DDX6: variants seen among roughly 807,000 people sequenced by gnomAD.
DDX6 encodes the protein DEAD-box helicase 6.
A neutral mutation model predicts 60.6 loss-of-function variants in DDX6; 7 were observed. The observed-to-expected ratio is 0.12, with a 90% CI of 0.07 to 0.22. The LOEUF is 0.22. Ranked by LOEUF, DDX6 falls within the 10% of genes least tolerant of loss-of-function variation. DDX6 has a pLI of 1.00. For synonymous variants in DDX6, 207 were observed against 201.0 expected (o/e 1.03, Z -0.25); for missense variants, 270 against 589.9 (o/e 0.46, Z 5.62).
chr11:118,779,790 G>T, intron 3 of DDX6, 54 bp from the exon 4 acceptor site: 1 of 1,312,542 alleles, frequency 7.6e-7, no homozygotes. Context: ...TGGTAAATTT[G>T]GTGTCCTTTG....
chr11:118,765,330 T>C lies in DDX6; in HGVS notation c.525A>G (p.Glu175=). 1 of 1,613,914 alleles carries C rather than the reference T, an allele frequency of 6.2e-7. No homozygotes were observed. Among genetic ancestry groups the C allele is most frequent in the Non-Finnish European group, 8.5e-7 (1 of 1,179,886 alleles). Reference sequence around the variant, plus strand: ...AAATTTGACTGACCTGTAGAGCAAGTTCTCTAGTGGGAACAATCACCATTG... The same window carrying C: ...AAATTTGACTGACCTGTAGAGCAAGCTCTCTAGTGGGAACAATCACCATTG... The part of the protein sequence containing the change: ...IQAMVIVPTR[E]LALQVSQICI... Residue 175 remains glutamate, a synonymous_variant, in exon 6 of 14, where the codon GAA becomes GAG. Coordinates refer to ENST00000534980, the MANE Select transcript of DDX6 (RefSeq NM_004397.6).
intron 9 of DDX6, 66 bp from the exon 10 acceptor site, chr11:118,757,353 G>T (rs1444181920): frequency 1.6e-5 from 13 of 798,468 alleles, no homozygotes; most frequent in Admixed American, 1.4e-4. Context: ...GCCAAATCTT[G>T]AAAACACGAA....
intron 4 of DDX6, among the ~76,000 whole-genome samples, chr11:118,775,829 T>C (rs991410812): frequency 5.9e-5 from 9 of 152,158 alleles, no homozygotes; most frequent in Admixed American, 2.6e-4. Flanking sequence ...TCAGCAAATA[T>C]CCACTAAGAA....
intron 4 of DDX6, among the ~76,000 whole-genome samples, chr11:118,773,822 C>T (rs1402189006): frequency 6.6e-6 from 1 of 151,562 alleles, no homozygotes; most frequent in Non-Finnish European, 1.5e-5. Context: ...GACTCTGTCT[C>T]CCCGACCCCA....
At chr11:118,761,245 C>T (rs1180533150) in intron 7 of DDX6, among the ~76,000 whole-genome samples, 8 of 152,210 alleles carry the variant, frequency 5.3e-5, no homozygotes, top group Non-Finnish European at 1.0e-4. Context: ...ACTTCAGTTT[C>T]CACAACTCTA....
At chr11:118,779,982 G>A (rs1245905802) in intron 3 of DDX6, among the ~76,000 whole-genome samples, 1 of 151,740 alleles carries the variant, frequency 6.6e-6, no homozygotes, top group Admixed American at 6.6e-5. Flanking sequence ...CCAGGGTGGT[G>A]GTGCACGCCT....
intron 4 of DDX6, among the ~76,000 whole-genome samples, chr11:118,771,338 C>T (rs1010999497): frequency 5.9e-5 from 9 of 152,148 alleles, no homozygotes; most frequent in Non-Finnish European, 1.3e-4. Context: ...TGATTAAGGC[C>T]ATTGACTTCT....
At chr11:118,779,156 C>CAAA (rs5795140) in intron 4 of DDX6, among the ~76,000 whole-genome samples, 2,497 of 125,710 alleles carry the variant, frequency 0.02, 138 homozygotes, top group African/African-American at 0.052. Flanking sequence ...ACCCAGTTGC[C>CAAA]AAAAAAAAAA....
intron 3 of DDX6, among the ~76,000 whole-genome samples, chr11:118,780,031 G>A (rs781928319): frequency 2.2e-4 from 30 of 137,456 alleles, no homozygotes; most frequent in East Asian, 5.0e-4. Flanking sequence ...CAGGAGAATC[G>A]CTTGAACCCA....
intron 11 of DDX6, among the ~76,000 whole-genome samples, chr11:118,755,880 C>T (rs543525362): frequency 2.0e-5 from 3 of 152,106 alleles, no homozygotes; most frequent in Admixed American, 6.5e-5. Context: ...CCGGGCTAAG[C>T]GGTAGCAGGC....
rs1861163681 is a variant in DDX6 at position 118,761,497 on chromosome 11, T to C, written c.742-1453A>G. The stretch of plus-strand genomic sequence containing the variant: ...CCGGCATGGTGGCACATGCCTGTAA[T>C]CCCAGCTACTCGGGAGGGCTGAGGC... On this transcript the variant is annotated intron_variant, in intron 7 of 13. Coordinates refer to ENST00000534980, the MANE Select transcript of DDX6 (RefSeq NM_004397.6). Among the ~76,000 whole-genome samples the C allele has an allele frequency of 1.6e-4, 3 of 18,306 alleles. No individual in the cohort carries two copies. In the South Asian group the frequency reaches 7.4e-3, roughly 45 times the overall value. The allele number at this position is 18,306 out of a possible 152,430, so 12.0% of individuals were successfully genotyped here.
At chr11:118,756,038 G>C (rs1345970323) in intron 11 of DDX6, among the ~76,000 whole-genome samples, 2 of 91,484 alleles carry the variant, frequency 2.2e-5, no homozygotes, top group African/African-American at 8.7e-5. Flanking sequence ...CCAAAAAAAA[G>C]ACAGAGATGA....
At chr11:118,787,510 T>C (rs2137563826) in intron 1 of DDX6, 1 of 150,472 alleles carries the variant, frequency 6.6e-6, no homozygotes, top group Middle Eastern at 3.4e-3. Flanking sequence ...AAAAACAAAA[T>C]TTAGCCGGGC....
chr11:118,781,089 A>G (rs1555164600), intron 3 of DDX6, 32 bp downstream of exon 3: 2 of 1,462,726 alleles, frequency 1.4e-6, no homozygotes, highest in East Asian at 2.3e-5. Flanking sequence ...GTTCCCCACC[A>G]TTATTCTACT....
At chr11:118,758,592 C>T (rs1861057919) in intron 9 of DDX6, among the ~76,000 whole-genome samples, 182 bp downstream of exon 9, 1 of 152,150 alleles carries the variant, frequency 6.6e-6, no homozygotes, top group South Asian at 2.1e-4. Flanking sequence ...AGGCTGGTCT[C>T]AAACTCCTGA....
Position 118,786,444 on chromosome 11 carries a change from T to C in DDX6, c.-193A>G, listed in dbSNP as rs961781383. On this transcript the variant is annotated 5_prime_UTR_variant, in exon 2 of 14. Coordinates refer to ENST00000534980, the MANE Select transcript of DDX6 (RefSeq NM_004397.6). ...GGTAAGCAGCAGTAACTTGCTCTCT[T>C]GCACGGAATCAACTTTTTATTTTTA... The C allele has an allele frequency of 2.4e-5, 10 of 412,510 alleles. No homozygotes were observed. The highest frequency in any genetic ancestry group is 4.2e-5 in the Non-Finnish European group (10 of 235,974). 25.6% of individuals were successfully genotyped at this position (412,510 alleles called of 1,614,324 possible). A position where few individuals can be genotyped will look rare whatever the true frequency, so the allele number is the denominator to read the frequency against.
In DDX6 at chr11:118,758,093, G is replaced by C. The variant is rs138114590; in HGVS notation, c.993+681C>G. Among the ~76,000 whole-genome samples the C allele has an allele frequency of 1.6e-3, 248 of 152,316 alleles. 2 individuals are homozygous for C. Among genetic ancestry groups the C allele is most frequent in the African/African-American group, 4.9e-3 (204 of 41,578 alleles). On this transcript the variant is annotated intron_variant, in intron 9 of 13. Transcript: ENST00000534980. ...GCTTTCTTCGACCTCAGCTGGGAATGTGCATGTCAGGTGACTTAAACTCTT... is the reference window on the plus strand; with the variant it reads ...GCTTTCTTCGACCTCAGCTGGGAATCTGCATGTCAGGTGACTTAAACTCTT...
intron 4 of DDX6, among the ~76,000 whole-genome samples, chr11:118,777,914 A>AAC (rs58638059): frequency 2.0e-5 from 3 of 149,390 alleles, no homozygotes; most frequent in Admixed American, 1.3e-4. Flanking sequence ...AAAAAAAAAA[A>AAC]CCAAGAAAGT....
In DDX6 at chr11:118,748,920, A is replaced by T. The variant is rs1860653642; in HGVS notation, c.*3185T>A. The T allele has an allele frequency of 6.6e-6, 1 of 152,164 alleles. No homozygotes were observed. Among genetic ancestry groups the T allele is most frequent in the African/African-American group, 2.4e-5 (1 of 41,450 alleles). The allele number at this position is 152,164 out of a possible 1,614,324, so 9.4% of individuals were successfully genotyped here. ...CATCTCATTCTGAAAACAAATACTG[A>T]TAACCAAGCCCACCCTCCAACCCTT... is the stretch of plus-strand genomic sequence containing the variant. On this transcript the variant is annotated 3_prime_UTR_variant, in exon 14 of 14. Transcript: ENST00000534980.
Sources: gnomAD v4.1 joint callset for allele counts (sites outside exome capture counted in the v4.1 genomes callset) on GRCh38, gnomAD v4.1.1 for gene constraint, MANE v1.5 for transcripts, NCBI Gene and HGNC (gene_info 2026-07-23, HGNC 2026-07-21) for gene names.